Variants in SLC15A4 observed in about 807,000 individuals in gnomAD.
SLC15A4 encodes the protein solute carrier family 15 member 4, also known as hPHT1.
A neutral mutation model predicts 46.1 loss-of-function variants in SLC15A4; 26 were observed. The observed-to-expected ratio is 0.56, with a 90% CI of 0.41 to 0.78. The LOEUF (loss-of-function observed/expected upper bound fraction) is 0.78, where lower values mean the gene tolerates loss of function less well. SLC15A4 is among the 30% of genes least tolerant of loss of function. SLC15A4 has a pLI of 0.00. For missense variants in SLC15A4, 751 were observed against 755.7 expected (o/e 0.99, Z 0.07); for synonymous variants, 370 against 333.4 (o/e 1.11, Z -1.20).
At chr12:128,818,894 G>A (rs147759158) in intron 1 of SLC15A4, among the ~76,000 whole-genome samples, 7 of 152,224 alleles carry the variant, frequency 4.6e-5, no homozygotes, top group Non-Finnish European at 8.8e-5. Context: ...CTTCCTTCAT[G>A]CAGCCGAATG....
chr12:128,813,200 T>G (rs1955687228), intron 2 of SLC15A4: 1 of 152,026 alleles, frequency 6.6e-6, no homozygotes, highest in South Asian at 2.1e-4. Context: ...TTTTTTTTTT[T>G]TTTGAGACAG....
chr12:128,796,306 T>A (rs1955441453), intron 7 of SLC15A4, among the ~76,000 whole-genome samples: 1 of 151,806 alleles, frequency 6.6e-6, no homozygotes, highest in Admixed American at 6.6e-5. Context: ...GCGCCTGTAA[T>A]CTCAGCTGCT....
intron 4 of SLC15A4, 39 bp downstream of exon 4, chr12:128,809,357 C>T: frequency 1.5e-6 from 2 of 1,347,420 alleles, no homozygotes; most frequent in Non-Finnish European, 2.1e-6. Flanking sequence ...TTACATAAGT[C>T]CAAAATAACA....
At chr12:128,821,787 G>C (rs537623783) in intron 1 of SLC15A4, among the ~76,000 whole-genome samples, 1 of 151,712 alleles carries the variant, frequency 6.6e-6, no homozygotes, top group Non-Finnish European at 1.5e-5. Flanking sequence ...TCAGGAGGCC[G>C]AGGCAGGAGA....
rs908728029 is a variant in SLC15A4 at position 128,808,768 on chromosome 12, C to T, written c.1258+20G>A. ...TGCTGCAGTCGGGCCTGAGGAGGAA[C>T]GGAGCAGAATGCCTCTTACCTGCAG... On this transcript the variant is annotated intron_variant, in intron 5 of 7. Transcript: ENST00000266771. 1.3e-5 allele frequency: 21 copies of T among 1,612,400 alleles called. No individual in the cohort carries two copies. The highest frequency in any genetic ancestry group is 6.7e-5 in the African/African-American group (5 of 74,890).
chr12:128,810,205 A>C, intron 2 of SLC15A4, 94 bp from the exon 3 acceptor site: 4 of 1,251,524 alleles, frequency 3.2e-6, no homozygotes, highest in Non-Finnish European at 3.4e-6. Context: ...AAACCAGCTC[A>C]CTGTATTGAA....
intron 5 of SLC15A4, among the ~76,000 whole-genome samples, chr12:128,808,502 T>C (rs1955615220): frequency 6.6e-6 from 1 of 152,216 alleles, no homozygotes; most frequent in African/African-American, 2.4e-5. Flanking sequence ...AATAGCCTAA[T>C]TCTAAATCAG....
At chr12:128,814,704 G>T (rs1245523725) in intron 2 of SLC15A4, 71 bp downstream of exon 2, 3 of 1,513,172 alleles carry the variant, frequency 2.0e-6, no homozygotes, top group Non-Finnish European at 2.7e-6. Context: ...ACAACAAACC[G>T]AAGCTAGGAT....
At chr12:128,805,691 A>G (rs995775877) in intron 5 of SLC15A4, among the ~76,000 whole-genome samples, 4 of 152,086 alleles carry the variant, frequency 2.6e-5, no homozygotes, top group African/African-American at 4.8e-5. Context: ...GCCACCACGC[A>G]TGGCTAATTT....
At chr12:128,812,624 C>T (rs1955675137) in intron 2 of SLC15A4, among the ~76,000 whole-genome samples, 1 of 152,176 alleles carries the variant, frequency 6.6e-6, no homozygotes, top group Admixed American at 6.5e-5. Flanking sequence ...CCTGGAGGCC[C>T]ACCTTTTTTA....
chr12:128,817,496 G>A (rs1001668266), intron 1 of SLC15A4, among the ~76,000 whole-genome samples: 5 of 152,176 alleles, frequency 3.3e-5, no homozygotes, highest in East Asian at 1.9e-4. Flanking sequence ...AAATGTACTC[G>A]GACCTTCCCA....
At chr12:128,821,566 C>T (rs1402378217) in intron 1 of SLC15A4, among the ~76,000 whole-genome samples, 1 of 152,178 alleles carries the variant, frequency 6.6e-6, no homozygotes, top group Non-Finnish European at 1.5e-5. Flanking sequence ...TCACTGGTCA[C>T]AAATGATCCC....
chr12:128,793,835 G>C lies in SLC15A4; in HGVS notation c.*361C>G, dbSNP rs1176430958. 1 of 171,844 alleles carries C rather than the reference G, an allele frequency of 5.8e-6. No homozygotes were observed. The highest frequency in any genetic ancestry group is 1.5e-4 in the East Asian group (1 of 6,494). The allele number at this position is 171,844 out of a possible 1,614,324, so 10.6% of individuals were successfully genotyped here. A position where few individuals can be genotyped will look rare whatever the true frequency, so the allele number is the denominator to read the frequency against. On this transcript the variant is annotated 3_prime_UTR_variant, in exon 8 of 8. Coordinates refer to ENST00000266771, the MANE Select transcript of SLC15A4 (RefSeq NM_145648.4). The stretch of plus-strand genomic sequence containing the variant: ...CTATGGGAAGCAGGTGATACTATTT[G>C]TTTAAGAAACTGGGATGCCAACTAA...
At chr12:128,810,872 G>A (rs952609203) in intron 2 of SLC15A4, among the ~76,000 whole-genome samples, 9 of 152,170 alleles carry the variant, frequency 5.9e-5, no homozygotes, top group African/African-American at 2.2e-4. Flanking sequence ...AGTGTGAAGG[G>A]TGCCTGAGGT....
At chr12:128,800,242 C>T (rs1206133018) in intron 6 of SLC15A4, among the ~76,000 whole-genome samples, 2 of 152,258 alleles carry the variant, frequency 1.3e-5, no homozygotes, top group African/African-American at 2.4e-5. Context: ...AAGTCCATTC[C>T]GTTGTGATTT....
chr12:128,823,839 C>G lies in SLC15A4; in HGVS notation c.105G>C (p.Ala35=). 7.5e-7 allele frequency: 1 copy of G among 1,324,846 alleles called. No homozygotes were observed. The highest frequency in any genetic ancestry group is 9.8e-7 in the Non-Finnish European group (1 of 1,024,786). 82.1% of individuals were successfully genotyped at this position (1,324,846 alleles called of 1,614,324 possible). ...AAAGAFAGRR[A]ACGAVLLTEL... Reference sequence around the variant, plus strand: ...CCGTCAGCAGCACGGCCCCGCACGCCGCGCGCCGGCCCGCGAACGCCCCAG... The same window carrying G: ...CCGTCAGCAGCACGGCCCCGCACGCGGCGCGCCGGCCCGCGAACGCCCCAG... The change falls in exon 1 of 8, where the codon GCG becomes GCC. Residue 35 remains alanine (A), a synonymous_variant. Coordinates refer to ENST00000266771, the MANE Select transcript of SLC15A4 (RefSeq NM_145648.4).
intron 7 of SLC15A4, among the ~76,000 whole-genome samples, chr12:128,798,781 G>A (rs182388010): frequency 1.4e-3 from 212 of 152,202 alleles, no homozygotes; most frequent in Non-Finnish European, 2.7e-3. Flanking sequence ...TTGATCACAA[G>A]TAATATGTTT....
intron 7 of SLC15A4, among the ~76,000 whole-genome samples, chr12:128,796,608 GA>G (rs1380059226): frequency 1.3e-5 from 2 of 152,078 alleles, no homozygotes; most frequent in Non-Finnish European, 2.9e-5. Context: ...TTTTTCAACA[GA>G]TGTTTTACAC....
At chr12:128,809,023 A>G (rs1955622063) in intron 4 of SLC15A4, 67 bp from the exon 5 acceptor site, 17 of 1,466,910 alleles carry the variant, frequency 1.2e-5, no homozygotes, top group Non-Finnish European at 1.6e-5. Flanking sequence ...CTAGAGAACC[A>G]ACGTCTCAAT....
Sources: gnomAD v4.1 joint callset for allele counts (sites outside exome capture counted in the v4.1 genomes callset) on GRCh38, gnomAD v4.1.1 for gene constraint, MANE v1.5 for transcripts, NCBI Gene and HGNC (gene_info 2026-07-23, HGNC 2026-07-21) for gene names.